Variants in EFCC1 observed in about 807,000 individuals in gnomAD.
EFCC1 encodes the protein EF-hand and coiled-coil domain containing 1.
A neutral mutation model predicts 52.1 loss-of-function variants in EFCC1; 50 were observed. The ratio of observed to expected loss-of-function variants is 0.96; its 90% CI spans 0.76 to 1.21. The LOEUF (loss-of-function observed/expected upper bound fraction) is 1.21, where lower values mean the gene tolerates loss of function less well. Ranked by LOEUF, EFCC1 falls within the 50% of genes most tolerant of loss-of-function variation. EFCC1 has a pLI of 0.00. For synonymous variants in EFCC1, 399 were observed against 396.5 expected, an observed-to-expected ratio of 1.01 and a Z score of -0.08; for missense variants, 837 against 867.3, an observed-to-expected ratio of 0.97 and a Z score of 0.44.
chr3:129,039,655 C>G, intron 7 of EFCC1, 57 bp from the exon 8 acceptor site: 4 of 1,521,358 alleles, frequency 2.6e-6, no homozygotes, highest in Non-Finnish European at 3.5e-6. Flanking sequence ...GACAGTGGCT[C>G]TGTGGGTGAA....
chr3:129,013,524 A>G (rs1293979678), intron 2 of EFCC1, among the ~76,000 whole-genome samples: 1 of 152,164 alleles, frequency 6.6e-6, no homozygotes, highest in Non-Finnish European at 1.5e-5. Flanking sequence ...CATTCTTCCC[A>G]TAAGGTAGCA....
At chr3:129,036,034 T>G (rs961912289) in intron 5 of EFCC1, among the ~76,000 whole-genome samples, 15 of 152,222 alleles carry the variant, frequency 9.9e-5, no homozygotes, top group Admixed American at 9.8e-4. Flanking sequence ...CCACCACCGC[T>G]CTGGTTTCCT....
chr3:129,030,800 C>A lies in EFCC1; in HGVS notation c.1078C>A (p.Pro360Thr), dbSNP rs1194032665. 1 of 1,551,626 alleles carries A rather than the reference C, an allele frequency of 6.4e-7. No individual in the cohort carries two copies. The highest frequency in any genetic ancestry group is 2.0e-5 in the Admixed American group (1 of 50,998). Residue 360 changes from proline (P) to threonine (T), a missense_variant, in exon 3 of 8, where the codon CCC (proline) becomes ACC (threonine). Coordinates refer to ENST00000683648, the MANE Select transcript of EFCC1 (RefSeq NM_001377500.1). Reference protein sequence around the residue: ...PEDAGTRDPDPTPEGAWQSDS... With the variant: ...PEDAGTRDPDTTPEGAWQSDS... ...AGATGCTGGGACCAGAGACCCAGAC[C>A]CCACTCCAGAGGGAGCCTGGCAGTC...
intron 2 of EFCC1, among the ~76,000 whole-genome samples, chr3:129,011,997 T>G (rs764202145): frequency 1.3e-5 from 2 of 152,198 alleles, no homozygotes; most frequent in Non-Finnish European, 2.9e-5. Flanking sequence ...AGTCTGTAGC[T>G]CTTTCTGCTA....
chr3:129,020,584 C>T (rs1207428599), intron 2 of EFCC1, among the ~76,000 whole-genome samples: 1 of 152,152 alleles, frequency 6.6e-6, no homozygotes, highest in Non-Finnish European at 1.5e-5. Flanking sequence ...CTGCAGTGAG[C>T]TGAGATCACG....
At chr3:129,019,764 C>CTTTTTTTTTTTTTTTTTTTT (rs760118112) in intron 2 of EFCC1, among the ~76,000 whole-genome samples, 1 of 107,424 alleles carries the variant, frequency 9.3e-6, no homozygotes, top group Non-Finnish European at 1.9e-5. Flanking sequence ...ATTAAATTTA[C>CTTTTTTTTTTTTTTTTTTTT]TTTTTTTTTT....
In EFCC1 at chr3:129,001,345, G is replaced by C. The variant is rs553372132; in HGVS notation, c.-284G>C. 3.3e-5 allele frequency among the ~76,000 whole-genome samples: 5 copies of C among 152,326 alleles called. No homozygotes were observed. In the South Asian group the frequency reaches 1.0e-3, roughly 32 times the overall value. On this transcript the variant is annotated 5_prime_UTR_variant, in exon 1 of 8. Coordinates refer to ENST00000683648, the MANE Select transcript of EFCC1 (RefSeq NM_001377500.1). ...CCGTGAGTGAGGAGAGGAGAGCGTG[G>C]GAGTCACGCGGAGAAGCCAGACCCA...
In EFCC1 at chr3:129,040,044, G is replaced by C; in HGVS notation, c.*196G>C. The C allele has an allele frequency of 1.6e-6, 1 of 608,420 alleles. No individual in the cohort carries two copies. Among genetic ancestry groups the C allele is most frequent in the Non-Finnish European group, 2.6e-6 (1 of 380,928 alleles). The allele number at this position is 608,420 out of a possible 1,614,324, so 37.7% of individuals were successfully genotyped here. A position where few individuals can be genotyped will look rare whatever the true frequency, so the allele number is the denominator to read the frequency against. On this transcript the variant is annotated 3_prime_UTR_variant, in exon 8 of 8. Coordinates refer to ENST00000683648, the MANE Select transcript of EFCC1 (RefSeq NM_001377500.1). The surrounding 1 kb of genome is among the most constrained non-coding windows in gnomAD (Gnocchi z 4.4). The stretch of plus-strand genomic sequence containing the variant: ...CACCTGGCAGCCACCCCTTCCTCGG[G>C]CTCCTCCACATTACCTCGCAGCCCC...
At position 129,014,601 on chromosome 3, in the gene EFCC1, A is replaced by C. The variant is rs1945487855; in HGVS notation, c.980+10524A>C. Among the ~76,000 whole-genome samples the C allele has an allele frequency of 6.6e-6, 1 of 152,318 alleles. No individual in the cohort carries two copies. The highest frequency in any genetic ancestry group is 6.5e-5 in the Admixed American group (1 of 15,308). On this transcript the variant is annotated intron_variant, in intron 2 of 7. Coordinates refer to ENST00000683648, the MANE Select transcript of EFCC1 (RefSeq NM_001377500.1). The surrounding 1 kb of genome is among the most constrained non-coding windows in gnomAD (Gnocchi z 4.3). ...TCCCATCGCCAAATAAGATCACATT[A>C]TGAGGAGCTCTGGGGGTCTGGACAT...
rs1945461581 is a variant in EFCC1 at position 129,014,152 on chromosome 3, G to A, written c.980+10075G>A. Among the ~76,000 whole-genome samples the A allele has an allele frequency of 6.6e-6, 1 of 152,212 alleles. No homozygotes were observed. The highest frequency in any genetic ancestry group is 1.5e-5 in the Non-Finnish European group (1 of 68,048). ...CAAATTCTGTCAAGTGCCTAGAGAGGGCCCATGCTGTCCTGGGCATGAGGG... is the reference window on the plus strand; with the variant it reads ...CAAATTCTGTCAAGTGCCTAGAGAGAGCCCATGCTGTCCTGGGCATGAGGG... On this transcript the variant is annotated intron_variant, in intron 2 of 7. Coordinates refer to ENST00000683648, the MANE Select transcript of EFCC1 (RefSeq NM_001377500.1). This position sits in a 1 kb window ranked among gnomAD's most constrained non-coding sequence, Gnocchi z 4.3.
chr3:129,003,986 C>G lies in EFCC1; in HGVS notation c.889C>G (p.His297Asp). 6.7e-7 allele frequency: 1 copy of G among 1,497,842 alleles called. No individual in the cohort carries two copies. Among genetic ancestry groups the G allele is most frequent in the Non-Finnish European group, 8.8e-7 (1 of 1,131,084 alleles). 92.8% of individuals were successfully genotyped at this position (1,497,842 alleles called of 1,614,324 possible). A position where few individuals can be genotyped will look rare whatever the true frequency, so the allele number is the denominator to read the frequency against. The change falls in exon 2 of 8, where the codon CAC (histidine) becomes GAC (aspartate). Residue 297 changes from histidine to aspartate, a missense_variant. Coordinates refer to ENST00000683648, the MANE Select transcript of EFCC1 (RefSeq NM_001377500.1). ...EARQVVLRSL[H>D]RVRELEALAQ... ...CCGGCAGGTGGTGCTGCGCAGCCTG[C>G]ACCGCGTGCGAGAGCTGGAGGCGCT...
In EFCC1 at chr3:129,004,212, C is replaced by T. The variant is rs72977194; in HGVS notation, c.980+135C>T. 6.7e-3 allele frequency: 7,753 copies of T among 1,152,540 alleles called. 390 individuals carry two copies. In the African/African-American group the frequency reaches 0.11, roughly 16 times the overall value. The allele number at this position is 1,152,540 out of a possible 1,614,324, so 71.4% of individuals were successfully genotyped here. ...CCATGCGTTTATTCATGTATTCTTT[C>T]ATTCCTTTGTCAGTTCTCCATTTCT... On this transcript the variant is annotated intron_variant, in intron 2 of 7. Coordinates refer to ENST00000683648, the MANE Select transcript of EFCC1 (RefSeq NM_001377500.1).
At chr3:129,029,445 A>G (rs1946222408) in intron 2 of EFCC1, among the ~76,000 whole-genome samples, 1 of 152,160 alleles carries the variant, frequency 6.6e-6, no homozygotes, top group South Asian at 2.1e-4. Context: ...CAGAAATGCA[A>G]TTTAAACTAG....
chr3:129,002,277 CTGCGCGCCGCGCTGCAGAGCAGTGA>C lies in EFCC1; in HGVS notation c.657_681del (p.Leu221Ter), dbSNP rs969221354. ...CAGCTTGCGCGAGTTGGTGGAGGAC[CTGCGCGCCGCGCTGCAGAGCAGTGA>C]TGCGCGCTGCCTAGCACTGCAGGTG... is the stretch of plus-strand genomic sequence containing the variant. On this transcript the variant is annotated frameshift_variant, in exon 1 of 8. Transcript: ENST00000683648. LOFTEE classifies it high-confidence loss of function. 1.3e-4 allele frequency: 205 copies of C among 1,530,002 alleles called. No homozygotes were observed. The highest frequency in any genetic ancestry group is 1.8e-4 in the Non-Finnish European group (202 of 1,144,802). The allele number at this position is 1,530,002 out of a possible 1,614,324, so 94.8% of individuals were successfully genotyped here.
chr3:129,014,820 G>C lies in EFCC1; in HGVS notation c.980+10743G>C, dbSNP rs924949743. 5.3e-5 allele frequency among the ~76,000 whole-genome samples: 8 copies of C among 152,198 alleles called. No homozygotes were observed. Among genetic ancestry groups the C allele is most frequent in the African/African-American group, 1.9e-4 (8 of 41,436 alleles). ...GCACTGCCTGCACGGGGACGAGCAG[G>C]TTGGAGCCAGCCTGGATGCCGAGGG... On this transcript the variant is annotated intron_variant, in intron 2 of 7. Coordinates refer to ENST00000683648, the MANE Select transcript of EFCC1 (RefSeq NM_001377500.1). This position sits in a 1 kb window ranked among gnomAD's most constrained non-coding sequence, Gnocchi z 4.3.
rs1944763721 is a variant in EFCC1, at chr3:129,001,695, C to T, written c.67C>T (p.Pro23Ser). ...EGAGGDPYRR[P>S]ARRTQWLLSA... ...CGCGGGAGGTGACCCGTACCGGCGA[C>T]CTGCGCGGCGCACGCAGTGGCTGCT... Residue 23 changes from proline to serine, a missense_variant, in exon 1 of 8, where the codon CCT becomes TCT. By Grantham distance (74) the Pro-to-Ser change is moderately conservative (BLOSUM62 -1). Coordinates refer to ENST00000683648, the MANE Select transcript of EFCC1 (RefSeq NM_001377500.1). 3 of 1,494,392 alleles carry T rather than the reference C, an allele frequency of 2.0e-6. No homozygotes were observed. The highest frequency in any genetic ancestry group is 2.5e-5 in the South Asian group (2 of 78,752). 92.6% of individuals were successfully genotyped at this position (1,494,392 alleles called of 1,614,324 possible). A position where few individuals can be genotyped will look rare whatever the true frequency, so the allele number is the denominator to read the frequency against.
At chr3:129,004,572 G>A (rs1346381063) in intron 2 of EFCC1, among the ~76,000 whole-genome samples, 2 of 139,760 alleles carry the variant, frequency 1.4e-5, no homozygotes, top group African/African-American at 5.4e-5. Flanking sequence ...CCATCCTCCT[G>A]TTCATCCACA....
In EFCC1 at chr3:129,001,862, C is replaced by G; in HGVS notation, c.234C>G (p.Asp78Glu). The change falls in exon 1 of 8, where the codon GAC becomes GAG. Residue 78 changes from aspartate (D) to glutamate (E), a missense_variant. Coordinates refer to ENST00000683648, the MANE Select transcript of EFCC1 (RefSeq NM_001377500.1). ...GCGCCGGCCGTCTGCCCCGCGCCGACTTCCGAGCGCTCTGCGCTGTGCTGG... is the reference window on the plus strand; with the variant it reads ...GCGCCGGCCGTCTGCCCCGCGCCGAGTTCCGAGCGCTCTGCGCTGTGCTGG... Reference protein sequence around the residue: ...CRGAGRLPRADFRALCAVLGL... With the variant: ...CRGAGRLPRAEFRALCAVLGL... 6.5e-7 allele frequency: 1 copy of G among 1,546,136 alleles called. No homozygotes were observed. Among genetic ancestry groups the G allele is most frequent in the Non-Finnish European group, 8.7e-7 (1 of 1,145,558 alleles).
rs1576695210 is a variant in EFCC1, at chr3:129,003,973, G to A, written c.876G>A (p.Val292=). The A allele has an allele frequency of 2.7e-6, 4 of 1,473,568 alleles. No homozygotes were observed. Among genetic ancestry groups the A allele is most frequent in the Non-Finnish European group, 3.6e-6 (4 of 1,119,748 alleles). 91.3% of individuals were successfully genotyped at this position (1,473,568 alleles called of 1,614,324 possible). ...GCGCGGAGGAGGCCCGGCAGGTGGT[G>A]CTGCGCAGCCTGCACCGCGTGCGAG... ...RRRAEEARQV[V]LRSLHRVREL... Residue 292 remains valine (V), a synonymous_variant, in exon 2 of 8, where the codon GTG becomes GTA. Coordinates refer to ENST00000683648, the MANE Select transcript of EFCC1 (RefSeq NM_001377500.1).
Sources: allele counts gnomAD v4.1 joint callset (sites outside exome capture counted in the v4.1 genomes callset), GRCh38; gene constraint gnomAD v4.1.1; non-coding constraint Gnocchi (gnomAD v3.1); transcripts MANE v1.5; gene names NCBI Gene and HGNC (gene_info 2026-07-23, HGNC 2026-07-21).